The following EBF2 variants were observed in gnomAD, a reference collection of about 807,000 sequenced individuals.
EBF2 encodes the protein transcription factor COE2.
EBF2 carries 21 observed loss-of-function variants against 72.8 expected under a neutral mutation model. The ratio of observed to expected loss-of-function variants is 0.29; its 90% CI spans 0.20 to 0.42. The LOEUF (loss-of-function observed/expected upper bound fraction) is 0.42, where lower values mean the gene tolerates loss of function less well. Ranked by LOEUF, EBF2 falls within the 10% of genes least tolerant of loss-of-function variation. The pLI is 1.00. For synonymous variants in EBF2, 299 were observed against 274.2 expected, an observed-to-expected ratio of 1.09 and a Z score of -0.89; for missense variants, 637 against 731.2, an observed-to-expected ratio of 0.87 and a Z score of 1.49.
intron 15 of EBF2, among the ~76,000 whole-genome samples, chr8:25,849,259 G>GT (rs1459457947): frequency 1.3e-5 from 2 of 152,158 alleles, no homozygotes; most frequent in African/African-American, 4.8e-5. Context: ...CAGTTTCTCT[G>GT]TAGAGTCACT....
chr8:25,852,675 T>G (rs1480731304), intron 14 of EBF2, among the ~76,000 whole-genome samples: 1 of 152,236 alleles, frequency 6.6e-6, no homozygotes, highest in Non-Finnish European at 1.5e-5. Flanking sequence ...GAAGGAATTG[T>G]TGCAGAGTTG....
chr8:25,891,665 C>T (rs927445613), intron 7 of EBF2, among the ~76,000 whole-genome samples: 13 of 151,742 alleles, frequency 8.6e-5, no homozygotes, highest in Admixed American at 3.3e-4. Flanking sequence ...GCAACCCCCA[C>T]CTCCAGGGTT....
intron 4 of EBF2, 64 bp from the exon 5 acceptor site, chr8:26,040,165 G>T: frequency 6.5e-7 from 1 of 1,537,918 alleles, no homozygotes; most frequent in Non-Finnish European, 9.0e-7. Context: ...GGAAAGAAGG[G>T]ACTTCAGAAC....
At chr8:26,023,447 G>A (rs1303874215) in intron 6 of EBF2, among the ~76,000 whole-genome samples, 1 of 152,166 alleles carries the variant, frequency 6.6e-6, no homozygotes, top group African/African-American at 2.4e-5. Context: ...GGCATCATCT[G>A]TTCTAATAAC....
intron 6 of EBF2, among the ~76,000 whole-genome samples, chr8:25,953,773 C>T (rs1025995629): frequency 1.4e-4 from 21 of 152,214 alleles, no homozygotes; most frequent in South Asian, 2.1e-4. Context: ...CTGAGCACCC[C>T]TCCAGGTGAA....
At chr8:25,913,812 G>A (rs941709150) in intron 6 of EBF2, among the ~76,000 whole-genome samples, 2 of 152,144 alleles carry the variant, frequency 1.3e-5, no homozygotes, top group Admixed American at 1.3e-4. Flanking sequence ...ACTTAAACAC[G>A]TGTGTTCATT....
At chr8:26,006,715 A>G (rs1804888386) in intron 6 of EBF2, among the ~76,000 whole-genome samples, 2 of 152,188 alleles carry the variant, frequency 1.3e-5, no homozygotes, top group African/African-American at 4.8e-5. Context: ...CTATAGTGAG[A>G]CAGGGCACAC....
chr8:25,916,442 C>T (rs1803217921), intron 6 of EBF2, among the ~76,000 whole-genome samples: 1 of 152,126 alleles, frequency 6.6e-6, no homozygotes, highest in Admixed American at 6.5e-5. Flanking sequence ...TTTTGCTACA[C>T]ATACGTATGA....
intron 15 of EBF2, among the ~76,000 whole-genome samples, chr8:25,849,457 G>C (rs1323756264): frequency 6.6e-6 from 1 of 152,286 alleles, no homozygotes; most frequent in East Asian, 1.9e-4. Flanking sequence ...GCCCATCCAA[G>C]GTTCCCCATC....
At chr8:25,952,844 G>A (rs1316636893) in intron 6 of EBF2, among the ~76,000 whole-genome samples, 2 of 152,122 alleles carry the variant, frequency 1.3e-5, no homozygotes, top group African/African-American at 4.8e-5. Flanking sequence ...ATAGAATGAG[G>A]CTTTGGGGTT....
intron 15 of EBF2, among the ~76,000 whole-genome samples, chr8:25,847,511 G>C (rs902428194): frequency 6.6e-6 from 1 of 152,194 alleles, no homozygotes; most frequent in South Asian, 2.1e-4. Flanking sequence ...TAAGGTCACT[G>C]AGGGCATCCT....
chr8:25,934,695 C>T (rs922928055), intron 6 of EBF2, among the ~76,000 whole-genome samples: 1 of 152,184 alleles, frequency 6.6e-6, no homozygotes, highest in Non-Finnish European at 1.5e-5. Context: ...ACTCCCTGTA[C>T]TTGAACATCG....
chr8:25,854,727 G>A (rs1277869897), intron 14 of EBF2, among the ~76,000 whole-genome samples: 2 of 152,026 alleles, frequency 1.3e-5, no homozygotes, highest in Non-Finnish European at 1.5e-5. Context: ...TATGGTGGGA[G>A]TACGCTTTCT....
At chr8:25,991,133 G>GT (rs900063628) in intron 6 of EBF2, among the ~76,000 whole-genome samples, 3 of 151,886 alleles carry the variant, frequency 2.0e-5, no homozygotes, top group Admixed American at 6.5e-5. Flanking sequence ...AGGAGATGCT[G>GT]TTTCTTTTGC....
Position 25,986,001 on chromosome 8 carries a change from C to CA in EBF2, c.551+47083dup, listed in dbSNP as rs59820523. On this transcript the variant is annotated intron_variant, in intron 6 of 15. Coordinates refer to ENST00000520164, the MANE Select transcript of EBF2 (RefSeq NM_022659.4). ...CGGGTGACAGAGTGAAACTCTGTCTCAAAAAAAAAAAAAAAAAAAAAAAAG... is the reference window on the plus strand; with the variant it reads ...CGGGTGACAGAGTGAAACTCTGTCTCAAAAAAAAAAAAAAAAAAAAAAAAAG... Among the ~76,000 whole-genome samples, 17 of 28,556 alleles carry CA rather than the reference C, an allele frequency of 6.0e-4. 2 individuals carry two copies. In the South Asian group the frequency reaches 9.7e-3, roughly 16 times the overall value. The allele number at this position is 28,556 out of a possible 152,430, so 18.7% of individuals were successfully genotyped here. A position where few individuals can be genotyped will look rare whatever the true frequency, so the allele number is the denominator to read the frequency against.
chr8:25,952,610 A>G (rs1803881824), intron 6 of EBF2, among the ~76,000 whole-genome samples: 1 of 151,542 alleles, frequency 6.6e-6, no homozygotes, highest in South Asian at 2.1e-4. Context: ...TGCCCTGCTC[A>G]CTCCTTTTCA....
At chr8:26,037,286 C>A (rs111362189) in intron 5 of EBF2, among the ~76,000 whole-genome samples, 26 of 152,194 alleles carry the variant, frequency 1.7e-4, no homozygotes, top group Non-Finnish European at 1.3e-4. Flanking sequence ...GGGGAAAAAG[C>A]CCCAGCCTTG....
At chr8:25,928,584 A>G (rs1803426969) in intron 6 of EBF2, among the ~76,000 whole-genome samples, 1 of 152,174 alleles carries the variant, frequency 6.6e-6, no homozygotes, top group South Asian at 2.1e-4. Flanking sequence ...GCCCAAGAAT[A>G]TTTATATTCT....
At chr8:25,851,994 T>C (rs1191646101) in intron 14 of EBF2, among the ~76,000 whole-genome samples, 4 of 152,210 alleles carry the variant, frequency 2.6e-5, no homozygotes, top group African/African-American at 9.7e-5. Flanking sequence ...ATGTCTTTTA[T>C]AGCCAAACTA....
Sources: allele counts gnomAD v4.1 joint callset (sites outside exome capture counted in the v4.1 genomes callset), GRCh38; gene constraint gnomAD v4.1.1; transcripts MANE v1.5; gene names NCBI Gene and HGNC (gene_info 2026-07-23, HGNC 2026-07-21).